NFRKB: variants seen among roughly 807,000 people sequenced by gnomAD.
The protein encoded by NFRKB is nuclear factor related to kappa-B-binding protein.
A neutral mutation model predicts 135.7 loss-of-function variants in NFRKB; 62 were observed. That is an observed-to-expected ratio of 0.46 (90% CI 0.37 to 0.56). NFRKB has a LOEUF of 0.56. Ranked by LOEUF, NFRKB falls within the 20% of genes least tolerant of loss-of-function variation. The pLI is 0.00. For missense variants in NFRKB, 1,545 were observed against 1,662.0 expected (o/e 0.93, Z 1.22); for synonymous variants, 678 against 635.6 (o/e 1.07, Z -1.00).
chr11:129,884,945 C>CTTGGG, intron 6 of NFRKB, 99 bp from the exon 7 acceptor site: 2 of 1,571,334 alleles, frequency 1.3e-6, no homozygotes, highest in Admixed American at 3.5e-5. Context: ...GCTAAGCCAA[C>CTTGGG]AACATGGAGG....
chr11:129,885,839 T>C (rs1949250972), intron 5 of NFRKB, among the ~76,000 whole-genome samples: 1 of 152,236 alleles, frequency 6.6e-6, no homozygotes, highest in African/African-American at 2.4e-5. Flanking sequence ...GAATACTTTT[T>C]TATACTAGAC....
Position 129,878,468 on chromosome 11 carries a change from C to T in NFRKB, c.1460G>A (p.Cys487Tyr). The T allele has an allele frequency of 6.2e-7, 1 of 1,614,094 alleles. No individual in the cohort carries two copies. Among genetic ancestry groups the T allele is most frequent in the Non-Finnish European group, 8.5e-7 (1 of 1,179,946 alleles). ...LWLETKDQAF[C>Y]KQENEDSSDA... is the part of the protein sequence containing the mutation. ...GTATTTCTTAAAAAAACATACCTTA[C>T]AGAAGGCCTGATCTTTGGTCTCTAG... is the stretch of plus-strand genomic sequence containing the variant. The change falls in exon 14 of 27, where the codon TGT (cysteine) becomes TAT (tyrosine). Residue 487 changes from cysteine (C) to tyrosine (Y), a missense_variant. Physicochemically the swap from Cys to Tyr is radical, Grantham distance 194. Transcript: ENST00000682444.
Position 129,869,521 on chromosome 11 carries a change from G to C in NFRKB, c.3504C>G (p.Ser1168Arg), listed in dbSNP as rs1180750640. The change falls in exon 24 of 27, where the codon AGC becomes AGG. Residue 1168 changes from serine (S) to arginine (R), a missense_variant. This residue lies in a region of NFRKB where 753 missense variants were observed against 804.3 expected (regional missense o/e 0.94). Transcript: ENST00000682444. ...GAPTVRQVPV[S>R]TTVVSTSQAG... is the part of the protein sequence containing the mutation. ...CCTGGGACGTGGACACAACCGTGGT[G>C]CTGACAGGGACCTGCCGCACGGTGG... 1 of 1,612,284 alleles carries C rather than the reference G, an allele frequency of 6.2e-7. No homozygotes were observed.
chr11:129,874,353 A>C lies in NFRKB; in HGVS notation c.2059-20T>G, dbSNP rs371139636. 9.2e-6 allele frequency: 14 copies of C among 1,519,154 alleles called. No homozygotes were observed. In the Admixed American group the frequency reaches 2.3e-4, roughly 25 times the overall value. 94.1% of individuals were successfully genotyped at this position (1,519,154 alleles called of 1,614,324 possible). On this transcript the variant is annotated intron_variant, in intron 20 of 26. Transcript: ENST00000682444. The surrounding 1 kb of genome is among the most constrained non-coding windows in gnomAD (Gnocchi z 4.5). Reference sequence around the variant, plus strand: ...GGACTTCTAGAACGGAAGACAAAGAAAACTCACCTGGTGTCGTGAAGATCC... The same window carrying C: ...GGACTTCTAGAACGGAAGACAAAGACAACTCACCTGGTGTCGTGAAGATCC...
intron 17 of NFRKB, among the ~76,000 whole-genome samples, chr11:129,876,098 T>C (rs1283988469): frequency 1.3e-5 from 2 of 152,348 alleles, no homozygotes; most frequent in African/African-American, 4.8e-5. Context: ...AACCATATAC[T>C]GCAGTGCTGT....
Position 129,892,762 on chromosome 11 carries a change from G to A in NFRKB, c.88C>T (p.Leu30Phe). The change falls in exon 3 of 27, where the codon CTC becomes TTC. Residue 30 changes from leucine to phenylalanine, a missense_variant. Transcript: ENST00000682444. The stretch of plus-strand genomic sequence containing the variant: ...AGACTAACTCTGGTGCCTCCCAGGA[G>A]GCAATCCTCCATGATGCGCGTGCCA... Reference protein sequence around the residue: ...GHGTRIMEDCLLGGTRVSLPE... With the variant: ...GHGTRIMEDCFLGGTRVSLPE... 1 of 1,614,206 alleles carries A rather than the reference G, an allele frequency of 6.2e-7. No individual in the cohort carries two copies.
rs1948064143 is a variant in NFRKB at position 129,863,699 on chromosome 11, C to T, written c.*1026G>A. On this transcript the variant is annotated 3_prime_UTR_variant, in exon 27 of 27. Coordinates refer to ENST00000682444, the MANE Select transcript of NFRKB (RefSeq NM_001143835.2). Reference sequence around the variant, plus strand: ...GAAATACTTTAGGCTTCAGGGCCATCCAGTCTCTATGTCAACTACTCAATT... The same window carrying T: ...GAAATACTTTAGGCTTCAGGGCCATTCAGTCTCTATGTCAACTACTCAATT... 6.5e-6 allele frequency: 1 copy of T among 152,752 alleles called. No individual in the cohort carries two copies. Among genetic ancestry groups the T allele is most frequent in the Non-Finnish European group, 1.5e-5 (1 of 68,400 alleles). 9.5% of individuals were successfully genotyped at this position (152,752 alleles called of 1,614,324 possible). A position where few individuals can be genotyped will look rare whatever the true frequency, so the allele number is the denominator to read the frequency against.
In NFRKB at chr11:129,878,458, AC is replaced by A; in HGVS notation, c.1464+5del. On this transcript the variant is annotated splice_donor_5th_base_variant and intron_variant, in intron 14 of 26. Coordinates refer to ENST00000682444, the MANE Select transcript of NFRKB (RefSeq NM_001143835.2). ...GAAGGATCTGGTATTTCTTAAAAAA[AC>A]ATACCTTACAGAAGGCCTGATCTTT... is the stretch of plus-strand genomic sequence containing the variant. 6.2e-7 allele frequency: 1 copy of A among 1,614,006 alleles called. No homozygotes were observed. Among genetic ancestry groups the A allele is most frequent in the Non-Finnish European group, 8.5e-7 (1 of 1,179,876 alleles).
chr11:129,883,509 C>G (rs978125978), intron 8 of NFRKB, among the ~76,000 whole-genome samples: 2 of 152,146 alleles, frequency 1.3e-5, no homozygotes, highest in African/African-American at 4.8e-5. Context: ...CTATGTTTTA[C>G]AGAGTCTGGA....
At position 129,876,891 on chromosome 11, in the gene NFRKB, C is replaced by T. The variant is rs752427089; in HGVS notation, c.1577G>A (p.Arg526His). ...EEKRVFQEQE[R>H]YRYSQPHKAF... ...CTTATGGGGTTGGCTATACCTGTAACGCTCCTACCAAGAGACAAGGGACAA... is the reference window on the plus strand; with the variant it reads ...CTTATGGGGTTGGCTATACCTGTAATGCTCCTACCAAGAGACAAGGGACAA... Residue 526 changes from arginine to histidine, a missense_variant, in exon 17 of 27, where the codon CGT becomes CAT. Around this residue, in one of 3 missense-constraint regions of NFRKB, gnomAD observed 114 missense variants for 211.0 expected, o/e 0.54. Transcript: ENST00000682444. 13 of 1,613,166 alleles carry T rather than the reference C, an allele frequency of 8.1e-6. No individual in the cohort carries two copies. The highest frequency in any genetic ancestry group is 1.1e-5 in the South Asian group (1 of 90,954).
chr11:129,867,168 C>T (rs1948234249), intron 24 of NFRKB, among the ~76,000 whole-genome samples: 1 of 152,168 alleles, frequency 6.6e-6, no homozygotes, highest in Non-Finnish European at 1.5e-5. Flanking sequence ...CAAATGCTCT[C>T]CAGTTGCACC....
chr11:129,873,453 G>A (rs907792162), intron 22 of NFRKB, among the ~76,000 whole-genome samples: 1 of 152,182 alleles, frequency 6.6e-6, no homozygotes, highest in Non-Finnish European at 1.5e-5. Flanking sequence ...AGGAGCCTGA[G>A]AGGCAGACTC....
chr11:129,870,280 C>T lies in NFRKB; in HGVS notation c.2764-19G>A, dbSNP rs774818514. 2 of 1,604,980 alleles carry T rather than the reference C, an allele frequency of 1.2e-6. No individual in the cohort carries two copies. The highest frequency in any genetic ancestry group is 3.3e-5 in the Admixed American group (2 of 59,756). Reference sequence around the variant, plus strand: ...TTGCCACCTGAATGGGGAGAAGCAGCACTGATGAGGGATTCACAATAGTAA... The same window carrying T: ...TTGCCACCTGAATGGGGAGAAGCAGTACTGATGAGGGATTCACAATAGTAA... On this transcript the variant is annotated intron_variant, in intron 23 of 26. Coordinates refer to ENST00000682444, the MANE Select transcript of NFRKB (RefSeq NM_001143835.2).
chr11:129,882,312 AT>A (rs1466062748), intron 10 of NFRKB, 118 bp from the exon 11 acceptor site: 1 of 1,345,520 alleles, frequency 7.4e-7, no homozygotes, highest in African/African-American at 1.5e-5. Flanking sequence ...CAAACAATAT[AT>A]TTTCCCAGCA....
rs1948683641 is a variant in NFRKB at position 129,874,764 on chromosome 11, G to C, written c.1978+29C>G. The C allele has an allele frequency of 6.2e-7, 1 of 1,614,012 alleles. No individual in the cohort carries two copies. Among genetic ancestry groups the C allele is most frequent in the Non-Finnish European group, 8.5e-7 (1 of 1,180,016 alleles). On this transcript the variant is annotated intron_variant, in intron 19 of 26. Transcript: ENST00000682444. This position sits in a 1 kb window ranked among gnomAD's most constrained non-coding sequence, Gnocchi z 4.5. The stretch of plus-strand genomic sequence containing the variant: ...AAAGTCAGAACGTATCCCCAGTCTG[G>C]TCGGACAGTGCCCAGAGGCCTCACA...
intron 24 of NFRKB, among the ~76,000 whole-genome samples, chr11:129,867,149 C>G (rs1020589216): frequency 1.3e-5 from 2 of 152,140 alleles, no homozygotes; most frequent in Non-Finnish European, 2.9e-5. Flanking sequence ...TCAATACTTC[C>G]TGCCCCACCA....
At position 129,864,627 on chromosome 11, in the gene NFRKB, G is replaced by C. The variant is rs997905149; in HGVS notation, c.*98C>G. On this transcript the variant is annotated 3_prime_UTR_variant, in exon 27 of 27. Coordinates refer to ENST00000682444, the MANE Select transcript of NFRKB (RefSeq NM_001143835.2). Reference sequence around the variant, plus strand: ...CCATCACCCCTCGCCTGGCTGCCTTGAACAGGCAAGCTTAAAACAATGATG... The same window carrying C: ...CCATCACCCCTCGCCTGGCTGCCTTCAACAGGCAAGCTTAAAACAATGATG... 7 of 1,548,098 alleles carry C rather than the reference G, an allele frequency of 4.5e-6. No homozygotes were observed. The East Asian group carries it at 9.0e-5, about 20-fold the overall frequency.
rs561117785 is a variant in NFRKB at position 129,881,544 on chromosome 11, G to A, written c.1319-36C>T. On this transcript the variant is annotated intron_variant, in intron 12 of 26. Coordinates refer to ENST00000682444, the MANE Select transcript of NFRKB (RefSeq NM_001143835.2). ...TGGACCACATAAACAAACCATACAG[G>A]TGCGTCCCTGAGCTCCGAAACAGCT... The A allele has an allele frequency of 4.4e-4, 715 of 1,612,556 alleles. 15 individuals are homozygous for A. In the South Asian group the frequency reaches 7.3e-3, roughly 16 times the overall value.
Position 129,885,005 on chromosome 11 carries a change from A to C in NFRKB, c.641-159T>G, listed in dbSNP as rs1949206239. The C allele has an allele frequency of 2.9e-6, 3 of 1,037,476 alleles. No homozygotes were observed. The Admixed American group carries it at 7.6e-5, about 26-fold the overall frequency. 64.3% of individuals were successfully genotyped at this position (1,037,476 alleles called of 1,614,324 possible). A position where few individuals can be genotyped will look rare whatever the true frequency, so the allele number is the denominator to read the frequency against. On this transcript the variant is annotated intron_variant, in intron 6 of 26. Coordinates refer to ENST00000682444, the MANE Select transcript of NFRKB (RefSeq NM_001143835.2). ...CCCTACCCCAGAGGAGCTGGAGCAC[A>C]CTTAGGTCATCTAACGGCTCTTCCA...
Sources: allele counts gnomAD v4.1 joint callset (sites outside exome capture counted in the v4.1 genomes callset), GRCh38; gene constraint gnomAD v4.1.1; regional missense constraint gnomAD v4.1.1; non-coding constraint Gnocchi (gnomAD v3.1); transcripts MANE v1.5; gene names NCBI Gene and HGNC (gene_info 2026-07-23, HGNC 2026-07-21).